The following TLR5 variants were observed in gnomAD, a reference collection of about 807,000 sequenced individuals.
The protein encoded by TLR5 is toll-like receptor 5.
For missense variants in TLR5, 944 were observed against 999.8 expected (o/e 0.94, Z 0.75); for synonymous variants, 373 against 384.4 (o/e 0.97, Z 0.35).
In TLR5 at chr1:223,111,210, T is replaced by C. The variant is rs375747719; in HGVS notation, c.1822A>G (p.Ile608Val). 17 of 1,614,184 alleles carry C rather than the reference T, an allele frequency of 1.1e-5. No homozygotes were observed. The highest frequency in any genetic ancestry group is 1.7e-5 in the Admixed American group (1 of 60,030). ...NVTIAGPPAD[I>V]YCVYPDSFSG... ...AACGAGTCAGGGTACACACAATATATGTCTGCAGGAGGCCCAGCTATAGTG... is the reference window on the plus strand; with the variant it reads ...AACGAGTCAGGGTACACACAATATACGTCTGCAGGAGGCCCAGCTATAGTG... The change falls in exon 6 of 6, where the codon ATA becomes GTA. Residue 608 changes from isoleucine to valine, a missense_variant. By Grantham distance (29) the Ile-to-Val change is conservative. Coordinates refer to ENST00000642603, the MANE Select transcript of TLR5 (RefSeq NM_003268.6).
intron 5 of TLR5, among the ~76,000 whole-genome samples, chr1:223,116,618 C>T (rs527915949): frequency 6.6e-6 from 1 of 152,194 alleles, no homozygotes; most frequent in African/African-American, 2.4e-5. Context: ...CTGCTGGCCG[C>T]CGCAGCCTGC....
Position 223,111,215 on chromosome 1 carries a change from G to T in TLR5, c.1817C>A (p.Ala606Glu). ...HTNVTIAGPP[A>E]DIYCVYPDSF... ...GTCAGGGTACACACAATATATGTCT[G>T]CAGGAGGCCCAGCTATAGTGACATT... Residue 606 changes from alanine (A) to glutamate (E), a missense_variant, in exon 6 of 6, where the codon GCA (alanine) becomes GAA (glutamate). Transcript: ENST00000642603. The T allele has an allele frequency of 2.5e-6, 4 of 1,614,188 alleles. No individual in the cohort carries two copies. Among genetic ancestry groups the T allele is most frequent in the Non-Finnish European group, 3.4e-6 (4 of 1,180,030 alleles).
chr1:223,128,227 A>G (rs1657251760), intron 5 of TLR5: 1 of 152,166 alleles, frequency 6.6e-6, no homozygotes, highest in African/African-American at 2.4e-5. Flanking sequence ...CATTTTACGG[A>G]TGAGGAAACT....
In TLR5 at chr1:223,110,392, T is replaced by C. The variant is rs1656255165; in HGVS notation, c.*63A>G. On this transcript the variant is annotated 3_prime_UTR_variant, in exon 6 of 6. Coordinates refer to ENST00000642603, the MANE Select transcript of TLR5 (RefSeq NM_003268.6). ...CAGAGAGGACCCCAAAATGATAACT[T>C]GGTGCAAATACAAAGTGAAGAGTTA... 8 of 1,578,870 alleles carry C rather than the reference T, an allele frequency of 5.1e-6. No homozygotes were observed. The highest frequency in any genetic ancestry group is 6.9e-6 in the Non-Finnish European group (8 of 1,152,150).
intron 5 of TLR5, among the ~76,000 whole-genome samples, chr1:223,120,534 C>T (rs913750742): frequency 2.6e-4 from 39 of 152,220 alleles, no homozygotes; most frequent in Admixed American, 1.1e-3. Context: ...TTCTCAGGAC[C>T]TCCTGGGGCT....
At chr1:223,138,650 T>A (rs1255979665) in intron 2 of TLR5, among the ~76,000 whole-genome samples, 1 of 152,226 alleles carries the variant, frequency 6.6e-6, no homozygotes, top group African/African-American at 2.4e-5. Flanking sequence ...CTTGATATTT[T>A]GAATTTTGAA....
chr1:223,115,977 G>A (rs758727612), intron 5 of TLR5, among the ~76,000 whole-genome samples: 1 of 152,162 alleles, frequency 6.6e-6, no homozygotes, highest in African/African-American at 2.4e-5. Context: ...CTTCCTTCAT[G>A]TGAACCCTCT....
In TLR5 at chr1:223,120,543, CTG is replaced by C. The variant is rs1656911319; in HGVS notation, c.-4-7510_-4-7509del. 3.3e-5 allele frequency among the ~76,000 whole-genome samples: 5 copies of C among 152,366 alleles called. No homozygotes were observed. In the South Asian group the frequency reaches 1.0e-3, roughly 32 times the overall value. On this transcript the variant is annotated intron_variant, in intron 5 of 5. Coordinates refer to ENST00000642603, the MANE Select transcript of TLR5 (RefSeq NM_003268.6). ...CACATGTTCTCAGGACCTCCTGGGG[CTG>C]TGTCACAGGTCATGGTCCTCACATT...
chr1:223,113,350 C>T (rs900532382), intron 5 of TLR5, among the ~76,000 whole-genome samples: 3 of 152,080 alleles, frequency 2.0e-5, no homozygotes, highest in Non-Finnish European at 4.4e-5. Context: ...GAACTACAGG[C>T]ACGTGCCACT....
In TLR5 at chr1:223,112,135, A is replaced by C; in HGVS notation, c.897T>G (p.Phe299Leu). The C allele has an allele frequency of 1.2e-6, 2 of 1,614,248 alleles. No individual in the cohort carries two copies. Among genetic ancestry groups the C allele is most frequent in the Non-Finnish European group, 1.7e-6 (2 of 1,180,040 alleles). The change falls in exon 6 of 6, where the codon TTT (phenylalanine) becomes TTG (leucine). Residue 299 changes from phenylalanine to leucine, a missense_variant. By Grantham distance (22) the Phe-to-Leu change is conservative. Coordinates refer to ENST00000642603, the MANE Select transcript of TLR5 (RefSeq NM_003268.6). ...SVRHLDLSHG[F>L]VFSLNSRVFE... ...AGACTCGTGAGTTCAGGGAGAAGAC[A>C]AACCCATGTGAAAGATCCAGGTGTC...
Position 223,109,466 on chromosome 1 carries a change from C to CT in TLR5, c.*988_*989insA, listed in dbSNP as rs1656215050. 7.6e-6 allele frequency: 1 copy of CT among 131,420 alleles called. No homozygotes were observed. The highest frequency in any genetic ancestry group is 2.5e-5 in the African/African-American group (1 of 40,522). 8.1% of individuals were successfully genotyped at this position (131,420 alleles called of 1,614,324 possible). A position where few individuals can be genotyped will look rare whatever the true frequency, so the allele number is the denominator to read the frequency against. The stretch of plus-strand genomic sequence containing the variant: ...TACAACTTCAGTGAAATTGCAACTG[C>CT]CCCCCAGGAGGCCTTCAGTGTATGT... On this transcript the variant is annotated 3_prime_UTR_variant, in exon 6 of 6. Transcript: ENST00000642603.
chr1:223,139,284 C>T (rs1657743631), intron 2 of TLR5, among the ~76,000 whole-genome samples: 1 of 152,186 alleles, frequency 6.6e-6, no homozygotes, highest in African/African-American at 2.4e-5. Context: ...GCTTATTGGA[C>T]ACCATCTCCT....
At chr1:223,134,133 C>A (rs1433792019) in intron 4 of TLR5, among the ~76,000 whole-genome samples, 1 of 152,056 alleles carries the variant, frequency 6.6e-6, no homozygotes, top group Non-Finnish European at 1.5e-5. Context: ...CTACCTCCCA[C>A]CCCCGCCGCC....
chr1:223,118,120 C>T (rs1656767926), intron 5 of TLR5, among the ~76,000 whole-genome samples: 1 of 152,200 alleles, frequency 6.6e-6, no homozygotes, highest in Admixed American at 6.5e-5. Flanking sequence ...TTTTGGGAGA[C>T]ATGAGACATC....
chr1:223,125,355 A>G (rs1365951922), intron 5 of TLR5, among the ~76,000 whole-genome samples: 1 of 152,196 alleles, frequency 6.6e-6, no homozygotes, highest in Non-Finnish European at 1.5e-5. Flanking sequence ...GAGTATGGAG[A>G]ACCCGTGGGA....
Position 223,111,046 on chromosome 1 carries a change from C to A in TLR5, c.1986G>T (p.Lys662Asn), listed in dbSNP as rs774571664. The A allele has an allele frequency of 1.2e-6, 2 of 1,614,184 alleles. No homozygotes were observed. Among genetic ancestry groups the A allele is most frequent in the South Asian group, 2.2e-5 (2 of 91,078 alleles). Reference protein sequence around the residue: ...LFLMTILTVTKFRGFCFICYK... With the variant: ...LFLMTILTVTNFRGFCFICYK... Reference sequence around the variant, plus strand: ...AACAGATAAAACAGAAGCCCCGGAACTTTGTGACTGTGAGGATGGTCATGA... The same window carrying A: ...AACAGATAAAACAGAAGCCCCGGAAATTTGTGACTGTGAGGATGGTCATGA... The change falls in exon 6 of 6, where the codon AAG becomes AAT. Residue 662 changes from lysine to asparagine, a missense_variant. Coordinates refer to ENST00000642603, the MANE Select transcript of TLR5 (RefSeq NM_003268.6).
In TLR5 at chr1:223,111,276, C is replaced by T. The variant is rs766995344; in HGVS notation, c.1756G>A (p.Glu586Lys). 23 of 1,613,986 alleles carry T rather than the reference C, an allele frequency of 1.4e-5. No individual in the cohort carries two copies. The highest frequency in any genetic ancestry group is 2.2e-5 in the East Asian group (1 of 44,892). The change falls in exon 6 of 6, where the codon GAA (glutamate) becomes AAA (lysine). Residue 586 changes from glutamate to lysine, a missense_variant. Coordinates refer to ENST00000642603, the MANE Select transcript of TLR5 (RefSeq NM_003268.6). ...ITHNKFICECELSTFINWLNH... is the reference protein window; with the variant it reads ...ITHNKFICECKLSTFINWLNH... ...AGCCAATTGATAAAAGTGCTAAGTT[C>T]ACATTCACAAATGAACTTGTTATGA...
Position 223,110,419 on chromosome 1 carries a change from T to C in TLR5, c.*36A>G, listed in dbSNP as rs5744178. Reference sequence around the variant, plus strand: ...GTGCAAATACAAAGTGAAGAGTTATTTGTGGCTTGAGATAAGTTGGAAATT... The same window carrying C: ...GTGCAAATACAAAGTGAAGAGTTATCTGTGGCTTGAGATAAGTTGGAAATT... On this transcript the variant is annotated 3_prime_UTR_variant, in exon 6 of 6. Coordinates refer to ENST00000642603, the MANE Select transcript of TLR5 (RefSeq NM_003268.6). 979 of 1,610,308 alleles carry C rather than the reference T, an allele frequency of 6.1e-4. 5 individuals carry two copies. The African/African-American group carries it at 0.011, about 19-fold the overall frequency.
intron 5 of TLR5, among the ~76,000 whole-genome samples, chr1:223,115,336 G>A (rs541620089): frequency 2.0e-5 from 3 of 152,178 alleles, no homozygotes; most frequent in Admixed American, 6.5e-5. Flanking sequence ...TGCAACCTCC[G>A]CCTCCCGGGT....
Sources: gnomAD v4.1 joint callset for allele counts (sites outside exome capture counted in the v4.1 genomes callset) on GRCh38, gnomAD v4.1.1 for gene constraint, MANE v1.5 for transcripts, NCBI Gene and HGNC (gene_info 2026-07-23, HGNC 2026-07-21) for gene names.